Variants in CNTN4 observed in about 807,000 individuals in gnomAD.
CNTN4 encodes contactin-4.
In CNTN4, 77 loss-of-function variants were observed where a neutral mutation model predicts 122.5. The observed-to-expected ratio is 0.63, with a 90% CI of 0.52 to 0.76. The LOEUF (loss-of-function observed/expected upper bound fraction) is 0.76. Among genes scored for constraint, CNTN4 ranks in the 30% least tolerant of loss-of-function variants. The probability of loss-of-function intolerance (pLI) is 0.00; values close to 1 mark genes in which losing one functional copy is unlikely to be tolerated. For synonymous variants in CNTN4, 512 were observed against 447.0 expected (o/e 1.15, Z -1.83); for missense variants, 1,256 against 1,259.1 (o/e 1.00, Z 0.04).
At chr3:2,108,121 G>A (rs1331190838) in intron 2 of CNTN4, among the ~76,000 whole-genome samples, 1 of 148,254 alleles carries the variant, frequency 6.7e-6, no homozygotes, top group East Asian at 2.0e-4. Context: ...CAGACCAACT[G>A]TAACAATCTA....
rs746657018 is a variant in CNTN4, at chr3:2,849,986, C to CTTTTTTTTTTTTTTTTTTTTTTTTTT, written c.455-16758_455-16757insTTTTTTTTTTTTTTTTTTTTTTTTTT. 2.1e-5 allele frequency among the ~76,000 whole-genome samples: 3 copies of CTTTTTTTTTTTTTTTTTTTTTTTTTT among 140,698 alleles called. 1 individual carries two copies. Among genetic ancestry groups the CTTTTTTTTTTTTTTTTTTTTTTTTTT allele is most frequent in the Non-Finnish European group, 3.1e-5 (2 of 65,412 alleles). 92.3% of individuals were successfully genotyped at this position (140,698 alleles called of 152,430 possible). A position where few individuals can be genotyped will look rare whatever the true frequency, so the allele number is the denominator to read the frequency against. On this transcript the variant is annotated intron_variant, in intron 7 of 24. Transcript: ENST00000418658. ...CCATTTTGGAAAATGTTAGCAATCA[C>CTTTTTTTTTTTTTTTTTTTTTTTTTT]TTTTTTTTCTTTTTTTTTTCTGAGA...
intron 2 of CNTN4, among the ~76,000 whole-genome samples, chr3:2,311,323 G>GA (rs1186654238): frequency 6.6e-6 from 1 of 151,958 alleles, no homozygotes; most frequent in East Asian, 1.9e-4. Flanking sequence ...GTCAACCCTA[G>GA]AATAGTACCT....
intron 3 of CNTN4, among the ~76,000 whole-genome samples, chr3:2,543,035 A>G (rs1365966489): frequency 1.4e-4 from 21 of 152,170 alleles, no homozygotes; most frequent in Admixed American, 1.2e-3. Flanking sequence ...TCACAGCCAG[A>G]TTGTATACAT....
chr3:2,392,023 C>T (rs1418483935), intron 3 of CNTN4, among the ~76,000 whole-genome samples: 1 of 152,158 alleles, frequency 6.6e-6, no homozygotes, highest in East Asian at 1.9e-4. Context: ...GCTTCTTATG[C>T]ATCTCAGATT....
At chr3:2,456,717 C>G (rs1356682669) in intron 3 of CNTN4, among the ~76,000 whole-genome samples, 1 of 152,100 alleles carries the variant, frequency 6.6e-6, no homozygotes, top group Non-Finnish European at 1.5e-5. Flanking sequence ...TTTTTATGTA[C>G]AAATAATATT....
chr3:2,649,338 C>T (rs185690056), intron 4 of CNTN4, among the ~76,000 whole-genome samples: 12 of 152,272 alleles, frequency 7.9e-5, no homozygotes, highest in Admixed American at 2.6e-4. Context: ...CTTCAAAGGA[C>T]GGGCTTACTT....
In CNTN4 at chr3:3,030,956, T is replaced by C; in HGVS notation, c.1764T>C (p.Ala588=). ...CAAGTGTGGACAGGCTATCTGCTGC[T>C]GCAGACCTGATTGTAAGAGGTACTG... is the stretch of plus-strand genomic sequence containing the variant. ...VQTSVDRLSA[A]ADLIVRGPPG... is the part of the protein sequence containing the mutation. The change falls in exon 16 of 25, where the codon GCT becomes GCC. Residue 588 remains alanine (A), a synonymous_variant. Transcript: ENST00000418658. 1 of 1,614,100 alleles carries C rather than the reference T, an allele frequency of 6.2e-7. No homozygotes were observed. Among genetic ancestry groups the C allele is most frequent in the African/African-American group, 1.3e-5 (1 of 75,056 alleles).
At chr3:2,394,578 C>A (rs6774579) in intron 3 of CNTN4, among the ~76,000 whole-genome samples, 28,932 of 152,012 alleles carry the variant, frequency 0.19, 3,474 homozygotes, top group Middle Eastern at 0.29. Flanking sequence ...GTAACAAATA[C>A]TGGCAAGGAT....
intron 3 of CNTN4, among the ~76,000 whole-genome samples, chr3:2,356,088 C>A (rs1388316379): frequency 6.6e-6 from 1 of 152,066 alleles, no homozygotes; most frequent in East Asian, 1.9e-4. Context: ...GTTTCCACTT[C>A]CTGTTGCTTA....
At chr3:2,802,497 C>T (rs1388952107) in intron 6 of CNTN4, among the ~76,000 whole-genome samples, 4 of 152,108 alleles carry the variant, frequency 2.6e-5, no homozygotes. Flanking sequence ...ATAAGAAAAT[C>T]GTGCCTTACA....
chr3:2,134,055 A>G (rs1441766868), intron 2 of CNTN4, among the ~76,000 whole-genome samples: 2 of 152,138 alleles, frequency 1.3e-5, no homozygotes, highest in Non-Finnish European at 2.9e-5. Context: ...AGCCCATTTC[A>G]TGATCCTTCT....
intron 3 of CNTN4, among the ~76,000 whole-genome samples, chr3:2,345,080 TGA>T (rs930179870): frequency 6.6e-6 from 1 of 152,196 alleles, no homozygotes; most frequent in African/African-American, 2.4e-5. Context: ...TTACCTGTGC[TGA>T]GAGAGGAGTA....
At chr3:2,157,993 G>A (rs912113548) in intron 2 of CNTN4, among the ~76,000 whole-genome samples, 2 of 152,178 alleles carry the variant, frequency 1.3e-5, no homozygotes, top group African/African-American at 4.8e-5. Flanking sequence ...TGAAATTAGA[G>A]TGGAGCCTCA....
chr3:2,368,289 C>G (rs1443357646), intron 3 of CNTN4, among the ~76,000 whole-genome samples: 1 of 152,074 alleles, frequency 6.6e-6, no homozygotes, highest in African/African-American at 2.4e-5. Context: ...GCCTCGGCCT[C>G]CCAAAGTGCT....
At chr3:2,283,758 A>T (rs1193200107) in intron 2 of CNTN4, among the ~76,000 whole-genome samples, 1 of 152,112 alleles carries the variant, frequency 6.6e-6, no homozygotes, top group Non-Finnish European at 1.5e-5. Context: ...CCATTCCCTA[A>T]ATACAATTCA....
intron 7 of CNTN4, among the ~76,000 whole-genome samples, chr3:2,822,876 T>C (rs1441522725): frequency 6.6e-6 from 1 of 152,182 alleles, no homozygotes; most frequent in African/African-American, 2.4e-5. Context: ...CCTGACAATC[T>C]TGATGGTGAA....
intron 13 of CNTN4, among the ~76,000 whole-genome samples, chr3:2,970,161 C>T (rs1692754831): frequency 6.6e-6 from 1 of 152,010 alleles, no homozygotes; most frequent in Non-Finnish European, 1.5e-5. Flanking sequence ...GCAGCATAAT[C>T]GTAGCTCATT....
In CNTN4 at chr3:2,544,587, G is replaced by GGT. The variant is rs548206048; in HGVS notation, c.-88-26828_-88-26827dup. Among the ~76,000 whole-genome samples, 14 of 152,080 alleles carry GGT rather than the reference G, an allele frequency of 9.2e-5. No individual in the cohort carries two copies. The South Asian group carries it at 2.9e-3, about 32-fold the overall frequency. On this transcript the variant is annotated intron_variant, in intron 3 of 24. Coordinates refer to ENST00000418658, the MANE Select transcript of CNTN4 (RefSeq NM_175607.3). ...AAAGTACAGTATTCAATTTCTTCCT[G>GGT]GTTCAGTTTTGGGAGATTGTGTGTC...
intron 8 of CNTN4, among the ~76,000 whole-genome samples, chr3:2,879,547 G>T (rs190541513): frequency 1.3e-5 from 2 of 152,108 alleles, no homozygotes; most frequent in East Asian, 1.9e-4. Flanking sequence ...TTACAACATC[G>T]ATCAATCTCG....
Sources: allele counts gnomAD v4.1 joint callset (sites outside exome capture counted in the v4.1 genomes callset), GRCh38; gene constraint gnomAD v4.1.1; transcripts MANE v1.5; gene names NCBI Gene and HGNC (gene_info 2026-07-23, HGNC 2026-07-21).